The following PAX7 variants were observed in gnomAD, a reference collection of about 807,000 sequenced individuals.
The protein encoded by PAX7 is paired box 7, also known as paired box protein Pax-7.
Under a neutral mutation model 50.7 loss-of-function variants are expected in PAX7, and 18 were observed. The observed-to-expected ratio is 0.36, with a 90% CI of 0.25 to 0.53. The LOEUF (loss-of-function observed/expected upper bound fraction) is 0.53, where lower values mean the gene tolerates loss of function less well. Ranked by LOEUF, PAX7 falls within the 20% of genes least tolerant of loss-of-function variation. The pLI is 0.93. For synonymous variants in PAX7, 310 were observed against 290.4 expected (o/e 1.07, Z -0.69); for missense variants, 644 against 702.9 (o/e 0.92, Z 0.95).
At chr1:18,635,657 T>C (rs1474106506) in intron 3 of PAX7, among the ~76,000 whole-genome samples, 1 of 152,040 alleles carries the variant, frequency 6.6e-6, no homozygotes, top group Non-Finnish European at 1.5e-5. Flanking sequence ...CTTCAATAGA[T>C]GGATCTGTCC....
Position 18,631,502 on chromosome 1 carries a change from G to A in PAX7, c.-102G>A, listed in dbSNP as rs1425424254. On this transcript the variant is annotated 5_prime_UTR_variant, in exon 1 of 9. Transcript: ENST00000420770. ...GGGAGGGAGAAGAGGTTAAAAAAAA[G>A]AAGACGAAGAAGACGGAAAGAAAGA... 1 of 984,702 alleles carries A rather than the reference G, an allele frequency of 1.0e-6. No individual in the cohort carries two copies. Among genetic ancestry groups the A allele is most frequent in the African/African-American group, 1.6e-5 (1 of 61,864 alleles). The allele number at this position is 984,702 out of a possible 1,614,324, so 61.0% of individuals were successfully genotyped here.
intron 4 of PAX7, among the ~76,000 whole-genome samples, chr1:18,666,693 C>T (rs1289100869): frequency 6.6e-6 from 1 of 152,144 alleles, no homozygotes; most frequent in African/African-American, 2.4e-5. Context: ...GCCCTGACAC[C>T]ACCCCATTGC....
chr1:18,726,653 C>T lies in PAX7; in HGVS notation c.1156-8979C>T, dbSNP rs1423461186. ...GTTTCCACGGGGTAAGGCTTGAACA[C>T]AGGGACCTCACAGCCTCTTTTGGCT... On this transcript the variant is annotated intron_variant, in intron 7 of 8. Transcript: ENST00000420770. This position sits in a 1 kb window ranked among gnomAD's most constrained non-coding sequence, Gnocchi z 4.8. Among the ~76,000 whole-genome samples, 1 of 152,222 alleles carries T rather than the reference C, an allele frequency of 6.6e-6. No individual in the cohort carries two copies. The highest frequency in any genetic ancestry group is 1.5e-5 in the Non-Finnish European group (1 of 68,038).
chr1:18,721,597 C>A (rs547343642), intron 7 of PAX7, among the ~76,000 whole-genome samples: 1 of 152,364 alleles, frequency 6.6e-6, no homozygotes, highest in South Asian at 2.1e-4. Flanking sequence ...GCTGTGCCAG[C>A]AGAAAGCCCG....
chr1:18,635,299 G>A, intron 3 of PAX7, 59 bp downstream of exon 3: 4 of 1,588,404 alleles, frequency 2.5e-6, no homozygotes, highest in Middle Eastern at 1.8e-4. Flanking sequence ...GTCCAGTGTG[G>A]AGGGCTGGAG....
chr1:18,691,137 T>C (rs1386676748), intron 4 of PAX7, among the ~76,000 whole-genome samples: 1 of 152,092 alleles, frequency 6.6e-6, no homozygotes, highest in Non-Finnish European at 1.5e-5. Flanking sequence ...ACTTCCACAC[T>C]CAGCTAATTT....
rs140722372 is a variant in PAX7, at chr1:18,655,345, C to T, written c.586+18974C>T. On this transcript the variant is annotated intron_variant, in intron 4 of 8. Transcript: ENST00000420770. Reference sequence around the variant, plus strand: ...ACTTAATTACCATGCAATCAATATGCAAACAAGTGCCAAACTGGGTTTGAA... The same window carrying T: ...ACTTAATTACCATGCAATCAATATGTAAACAAGTGCCAAACTGGGTTTGAA... Among the ~76,000 whole-genome samples the T allele has an allele frequency of 3.5e-4, 53 of 152,298 alleles. 1 individual carries two copies. In the East Asian group the frequency reaches 0.01, roughly 29 times the overall value.
intron 4 of PAX7, among the ~76,000 whole-genome samples, chr1:18,643,452 G>C (rs894400711): frequency 5.3e-5 from 8 of 152,368 alleles, no homozygotes; most frequent in African/African-American, 1.4e-4. Flanking sequence ...CAGCAGAAGA[G>C]AATCTTGCGC....
intron 4 of PAX7, among the ~76,000 whole-genome samples, chr1:18,685,031 G>T (rs2088954326): frequency 6.6e-6 from 1 of 152,154 alleles, no homozygotes; most frequent in Admixed American, 6.5e-5. Flanking sequence ...GGAGGGAAAG[G>T]TTGGGGATGG....
chr1:18,658,612 C>T (rs1410425108), intron 4 of PAX7, among the ~76,000 whole-genome samples: 1 of 152,242 alleles, frequency 6.6e-6, no homozygotes, highest in Non-Finnish European at 1.5e-5. Flanking sequence ...TGATTTTCAG[C>T]TGCTGCATGC....
At chr1:18,644,037 C>T (rs559751479) in intron 4 of PAX7, among the ~76,000 whole-genome samples, 23 of 152,240 alleles carry the variant, frequency 1.5e-4, no homozygotes, top group Admixed American at 9.8e-4. Context: ...CCAATTTAGC[C>T]GCCGCCCCTT....
chr1:18,693,544 G>GGGA (rs527900567), intron 5 of PAX7, among the ~76,000 whole-genome samples: 28 of 152,320 alleles, frequency 1.8e-4, no homozygotes, highest in African/African-American at 6.7e-4. Context: ...CTAGAAGCAA[G>GGGA]GGACGTTTCA....
intron 5 of PAX7, among the ~76,000 whole-genome samples, chr1:18,693,450 T>G (rs1220553381): frequency 6.6e-6 from 1 of 152,160 alleles, no homozygotes; most frequent in Non-Finnish European, 1.5e-5. Flanking sequence ...CAGGCCCAGC[T>G]GCTGGCAAAA....
chr1:18,699,521 A>G (rs1257467413), intron 5 of PAX7, among the ~76,000 whole-genome samples: 2 of 151,910 alleles, frequency 1.3e-5, no homozygotes, highest in African/African-American at 2.4e-5. Context: ...CTGTCCCAGG[A>G]AACTTGCAAA....
At chr1:18,725,399 G>A (rs920320880) in intron 7 of PAX7, among the ~76,000 whole-genome samples, 8 of 151,410 alleles carry the variant, frequency 5.3e-5, no homozygotes, top group Admixed American at 1.3e-4. Flanking sequence ...AGTCAAGGAG[G>A]CCCTCCTCCC....
intron 7 of PAX7, among the ~76,000 whole-genome samples, chr1:18,710,598 A>G (rs1315533316): frequency 1.3e-5 from 2 of 152,064 alleles, no homozygotes; most frequent in African/African-American, 2.4e-5. Context: ...ATTATGTGCA[A>G]TTACGTCCTG....
chr1:18,645,404 G>A (rs529918449), intron 4 of PAX7, among the ~76,000 whole-genome samples: 1 of 152,226 alleles, frequency 6.6e-6, no homozygotes, highest in Non-Finnish European at 1.5e-5. Flanking sequence ...GTGGGGCGGC[G>A]GGCGCGATAA....
intron 4 of PAX7, among the ~76,000 whole-genome samples, chr1:18,638,775 T>G (rs1015724781): frequency 7.9e-5 from 12 of 152,218 alleles, no homozygotes; most frequent in Admixed American, 7.9e-4. Flanking sequence ...GAGCAAATTG[T>G]ATCCGTTTCC....
rs2089704528 is a variant in PAX7 at position 18,735,790 on chromosome 1, C to T, written c.1314C>T (p.Thr438=). 3 of 1,614,180 alleles carry T rather than the reference C, an allele frequency of 1.9e-6. No individual in the cohort carries two copies. The highest frequency in any genetic ancestry group is 3.3e-5 in the Admixed American group (2 of 60,034). The change falls in exon 8 of 9, where the codon ACC becomes ACT. Residue 438 remains threonine, a synonymous_variant. Coordinates refer to ENST00000420770, the MANE Select transcript of PAX7 (RefSeq NM_001135254.2). The surrounding 1 kb of genome is among the most constrained non-coding windows in gnomAD (Gnocchi z 4.0). ...DSIKPGDSLP[T]SQAYCPPTYS... ...TCAAGCCAGGAGACAGCCTGCCCAC[C>T]TCCCAGGCCTACTGCCCACCCACCT...
Sources: gnomAD v4.1 joint callset for allele counts (sites outside exome capture counted in the v4.1 genomes callset) on GRCh38, gnomAD v4.1.1 for gene constraint, Gnocchi (gnomAD v3.1) non-coding constraint, MANE v1.5 for transcripts, NCBI Gene and HGNC (gene_info 2026-07-23, HGNC 2026-07-21) for gene names.